The following TRIM56 variants were observed in gnomAD, a reference collection of about 807,000 sequenced individuals.
TRIM56 encodes tripartite motif containing 56.
Under a neutral mutation model 17.1 loss-of-function variants are expected in TRIM56, and 10 were observed. The observed-to-expected ratio is 0.58, with a 90% confidence interval of 0.36 to 0.99. TRIM56 has a LOEUF of 0.99. Among genes scored for constraint, TRIM56 ranks in the 50% least tolerant of loss-of-function variants. TRIM56 has a pLI of 0.01. For missense variants in TRIM56, 923 were observed against 1,052.3 expected (o/e 0.88, Z 1.70); for synonymous variants, 503 against 473.5 (o/e 1.06, Z -0.81).
Position 101,090,992 on chromosome 7 carries a change from C to T in TRIM56, c.*1412C>T, listed in dbSNP as rs11542349. ...TTGCTGGGGAAACAGCTAAACCCTG[C>T]AGGCCAAGTGGAACTTGGAGGTGCC... is the stretch of plus-strand genomic sequence containing the variant. On this transcript the variant is annotated 3_prime_UTR_variant, in exon 3 of 3. Coordinates refer to ENST00000306085, the MANE Select transcript of TRIM56 (RefSeq NM_030961.3). 61,301 of 152,062 alleles carry T rather than the reference C, an allele frequency of 0.4. 13,785 individuals are homozygous for T. The highest frequency in any genetic ancestry group is 0.52 in the Non-Finnish European group (35,383 of 67,996). The allele number at this position is 152,062 out of a possible 1,614,324, so 9.4% of individuals were successfully genotyped here. A position where few individuals can be genotyped will look rare whatever the true frequency, so the allele number is the denominator to read the frequency against.
rs1355938614 is a variant in TRIM56, at chr7:101,089,028, C to T, written c.1716C>T (p.Leu572=). ...VAFSASARLY[L]INPNGEVQWR... ...TCTCCGCTAGCGCACGGCTCTATCT[C>T]ATCAACCCCAACGGCGAAGTGCAGT... Residue 572 remains leucine, a synonymous_variant, in exon 3 of 3, where the codon CTC becomes CTT. Transcript: ENST00000306085. The T allele has an allele frequency of 6.2e-7, 1 of 1,604,700 alleles. No homozygotes were observed. The highest frequency in any genetic ancestry group is 2.2e-5 in the East Asian group (1 of 44,848).
Position 101,090,757 on chromosome 7 carries a change from C to G in TRIM56, c.*1177C>G, listed in dbSNP as rs1191630552. On this transcript the variant is annotated 3_prime_UTR_variant, in exon 3 of 3. Coordinates refer to ENST00000306085, the MANE Select transcript of TRIM56 (RefSeq NM_030961.3). ...TTATGAGTGTCAGAGCAGGGGAGCCCTCCACGCAGCCACGGAGCCAGTCTG... is the reference window on the plus strand; with the variant it reads ...TTATGAGTGTCAGAGCAGGGGAGCCGTCCACGCAGCCACGGAGCCAGTCTG... 6.6e-6 allele frequency: 1 copy of G among 151,732 alleles called. No individual in the cohort carries two copies. Among genetic ancestry groups the G allele is most frequent in the Non-Finnish European group, 1.5e-5 (1 of 67,982 alleles). 9.4% of individuals were successfully genotyped at this position (151,732 alleles called of 1,614,324 possible).
rs749946092 is a variant in TRIM56 at position 101,088,198 on chromosome 7, G to A, written c.886G>A (p.Glu296Lys). Reference sequence around the variant, plus strand: ...TGCTCGGGAGAGGCTGGCGGAGCTTGAGGGCCGGGAGCAGGTGGCCAGGGC... The same window carrying A: ...TGCTCGGGAGAGGCTGGCGGAGCTTAAGGGCCGGGAGCAGGTGGCCAGGGC... The part of the protein sequence containing the change: ...EAARERLAEL[E>K]GREQVARAAA... Residue 296 changes from glutamate to lysine, a missense_variant, in exon 3 of 3, where the codon GAG becomes AAG. By Grantham distance (56) the Glu-to-Lys change is moderately conservative. Coordinates refer to ENST00000306085, the MANE Select transcript of TRIM56 (RefSeq NM_030961.3). The A allele has an allele frequency of 6.0e-5, 89 of 1,475,064 alleles. No individual in the cohort carries two copies. Among genetic ancestry groups the A allele is most frequent in the Non-Finnish European group, 7.2e-5 (81 of 1,117,296 alleles). The allele number at this position is 1,475,064 out of a possible 1,614,324, so 91.4% of individuals were successfully genotyped here.
rs759210312 is a variant in TRIM56 at position 101,089,256 on chromosome 7, C to T, written c.1944C>T (p.Phe648=). The T allele has an allele frequency of 9.9e-6, 16 of 1,612,026 alleles. No individual in the cohort carries two copies. The highest frequency in any genetic ancestry group is 1.7e-4 in the Middle Eastern group (1 of 6,058). Residue 648 remains phenylalanine (F), a synonymous_variant, in exon 3 of 3, where the codon TTC becomes TTT. Coordinates refer to ENST00000306085, the MANE Select transcript of TRIM56 (RefSeq NM_030961.3). ...TGACCACCAGCCCCCAGGGGCATTT[C>T]GTGGGGTCGGACTGGCAGCAGAATA... The part of the protein sequence containing the change: ...VFLTTSPQGH[F]VGSDWQQNSV...
chr7:101,086,077 AC>A (rs1267023221), intron 1 of TRIM56, among the ~76,000 whole-genome samples: 1 of 152,048 alleles, frequency 6.6e-6, no homozygotes, highest in Non-Finnish European at 1.5e-5. Context: ...GGCCTCCACC[AC>A]CCGCGATGCT....
rs1429754752 is a variant in TRIM56 at position 101,088,469 on chromosome 7, C to T, written c.1157C>T (p.Thr386Ile). The stretch of plus-strand genomic sequence containing the variant: ...GATGGTGGGAAAGACGGAGCTGGTA[C>T]CCAGGGAGGTGAGGAGAGCCAGAGC... ...QKDGGKDGAG[T>I]QGGEESQSRR... Residue 386 changes from threonine to isoleucine, a missense_variant, in exon 3 of 3, where the codon ACC becomes ATC. Physicochemically the swap from Thr to Ile is moderately conservative, Grantham distance 89. Coordinates refer to ENST00000306085, the MANE Select transcript of TRIM56 (RefSeq NM_030961.3). 47 of 1,613,780 alleles carry T rather than the reference C, an allele frequency of 2.9e-5. No homozygotes were observed. The highest frequency in any genetic ancestry group is 4.0e-5 in the Non-Finnish European group (47 of 1,179,866).
chr7:101,091,642 A>G lies in TRIM56; in HGVS notation c.*2062A>G. 2.4e-6 allele frequency: 1 copy of G among 419,560 alleles called. No individual in the cohort carries two copies. Among genetic ancestry groups the G allele is most frequent in the South Asian group, 1.7e-5 (1 of 57,872 alleles). The allele number at this position is 419,560 out of a possible 1,614,324, so 26.0% of individuals were successfully genotyped here. On this transcript the variant is annotated 3_prime_UTR_variant, in exon 3 of 3. Transcript: ENST00000306085. ...CTTGGGAGGCTGAGGCAGGAGAATC[A>G]TTTGAACCCAGGAGGTGGAAGTTGC...
rs1364021572 is a variant in TRIM56, at chr7:101,088,912, T to G, written c.1600T>G (p.Phe534Val). 2.5e-6 allele frequency: 4 copies of G among 1,613,842 alleles called. No individual in the cohort carries two copies. The highest frequency in any genetic ancestry group is 1.7e-5 in the Admixed American group (1 of 60,024). ...ADEQNRALKR[F>V]SLNGDYKGTV... ...TGAGCAGAACCGGGCACTGAAACGC[T>G]TCTCCCTCAACGGCGACTACAAGGG... is the stretch of plus-strand genomic sequence containing the variant. Residue 534 changes from phenylalanine to valine, a missense_variant, in exon 3 of 3, where the codon TTC (phenylalanine) becomes GTC (valine). Phe to Val is a conservative substitution (Grantham distance 50, BLOSUM62 -1). Around this residue, in one of 3 missense-constraint regions of TRIM56, gnomAD observed 643 missense variants for 665.6 expected, o/e 0.97. Coordinates refer to ENST00000306085, the MANE Select transcript of TRIM56 (RefSeq NM_030961.3).
In TRIM56 at chr7:101,089,540, G is replaced by A; in HGVS notation, c.2228G>A (p.Gly743Glu). 1.2e-6 allele frequency: 2 copies of A among 1,614,174 alleles called. No homozygotes were observed. Among genetic ancestry groups the A allele is most frequent in the Non-Finnish European group, 1.7e-6 (2 of 1,180,022 alleles). The stretch of plus-strand genomic sequence containing the variant: ...TACCTGGTCGTGTCCCTCAGTAACG[G>A]GACCATCCACATCTTTCGGGTCCGT... ...GRYLVVSLSN[G>E]TIHIFRVRSP... The change falls in exon 3 of 3, where the codon GGG (glycine) becomes GAG (glutamate). Residue 743 changes from glycine (G) to glutamate (E), a missense_variant. Around this residue, in one of 3 missense-constraint regions of TRIM56, gnomAD observed 182 missense variants for 243.1 expected, o/e 0.75. Transcript: ENST00000306085.
chr7:101,094,159 C>G lies in TRIM56; in HGVS notation c.*4579C>G, dbSNP rs1270304750. On this transcript the variant is annotated 3_prime_UTR_variant, in exon 3 of 3. Coordinates refer to ENST00000306085, the MANE Select transcript of TRIM56 (RefSeq NM_030961.3). ...GATTGTGGTTTATTAGGGGAATGAG[C>G]CTTTCTTTGTGTATGACAACTATGA... The G allele has an allele frequency of 2.0e-5, 3 of 152,106 alleles. No homozygotes were observed. Among genetic ancestry groups the G allele is most frequent in the African/African-American group, 7.2e-5 (3 of 41,390 alleles). 9.4% of individuals were successfully genotyped at this position (152,106 alleles called of 1,614,324 possible). A position where few individuals can be genotyped will look rare whatever the true frequency, so the allele number is the denominator to read the frequency against.
rs751976541 is a variant in TRIM56, at chr7:101,087,411, A to C, written c.99A>C (p.Thr33=). ...ICLEQLRAPK[T]LPCLHTYCQD... The stretch of plus-strand genomic sequence containing the variant: ...TGGAGCAGCTGCGGGCACCCAAGAC[A>C]CTGCCCTGCCTGCATACCTACTGCC... The change falls in exon 3 of 3, where the codon ACA becomes ACC. Residue 33 remains threonine (T), a synonymous_variant. Coordinates refer to ENST00000306085, the MANE Select transcript of TRIM56 (RefSeq NM_030961.3). The C allele has an allele frequency of 6.2e-7, 1 of 1,612,878 alleles. No individual in the cohort carries two copies. Among genetic ancestry groups the C allele is most frequent in the East Asian group, 2.2e-5 (1 of 44,870 alleles).
rs773361612 is a variant in TRIM56 at position 101,087,747 on chromosome 7, C to T, written c.435C>T (p.Arg145=). Reference sequence around the variant, plus strand: ...GCACCCGCCAGACCCACACCCACCGCGTGGTGGACCTGGTGGGCTACAGGG... The same window carrying T: ...GCACCCGCCAGACCCACACCCACCGTGTGGTGGACCTGGTGGGCTACAGGG... ...HRCTRQTHTH[R]VVDLVGYRAG... The change falls in exon 3 of 3, where the codon CGC becomes CGT. Residue 145 remains arginine (R), a synonymous_variant. Coordinates refer to ENST00000306085, the MANE Select transcript of TRIM56 (RefSeq NM_030961.3). 11 of 1,604,118 alleles carry T rather than the reference C, an allele frequency of 6.9e-6. No individual in the cohort carries two copies. The South Asian group carries it at 1.0e-4, about 15-fold the overall frequency.
Position 101,088,897 on chromosome 7 carries a change from C to A in TRIM56, c.1585C>A (p.Arg529=). 1 of 1,613,884 alleles carries A rather than the reference C, an allele frequency of 6.2e-7. No individual in the cohort carries two copies. The highest frequency in any genetic ancestry group is 8.5e-7 in the Non-Finnish European group (1 of 1,180,032). The change falls in exon 3 of 3, where the codon CGG becomes AGG. Residue 529 remains arginine, a synonymous_variant. Transcript: ENST00000306085. ...REILVADEQN[R]ALKRFSLNGD... is the part of the protein sequence containing the mutation. ...GATCCTGGTGGCGGATGAGCAGAAC[C>A]GGGCACTGAAACGCTTCTCCCTCAA...
rs770631843 is a variant in TRIM56 at position 101,089,628 on chromosome 7, A to T, written c.*48A>T. 7.8e-6 allele frequency: 12 copies of T among 1,545,904 alleles called. No homozygotes were observed. The highest frequency in any genetic ancestry group is 1.1e-5 in the Non-Finnish European group (12 of 1,136,056). ...GGGAGTGGGGAGGGAGAGGGCAGGA[A>T]GGAGGCAGAGCTGTCCGTGGGAGGT... On this transcript the variant is annotated 3_prime_UTR_variant, in exon 3 of 3. Coordinates refer to ENST00000306085, the MANE Select transcript of TRIM56 (RefSeq NM_030961.3).
rs1406612290 is a variant in TRIM56, at chr7:101,097,520, T to C, written c.*7940T>C. The C allele has an allele frequency of 6.6e-6, 1 of 152,226 alleles. No homozygotes were observed. The highest frequency in any genetic ancestry group is 1.5e-5 in the Non-Finnish European group (1 of 68,056). The allele number at this position is 152,226 out of a possible 1,614,324, so 9.4% of individuals were successfully genotyped here. On this transcript the variant is annotated 3_prime_UTR_variant, in exon 3 of 3. Coordinates refer to ENST00000306085, the MANE Select transcript of TRIM56 (RefSeq NM_030961.3). ...AGGACAGGAGCAAAAATAGATTTTCTAGAAACTGCAGACTCCTGTGATTGG... is the reference window on the plus strand; with the variant it reads ...AGGACAGGAGCAAAAATAGATTTTCCAGAAACTGCAGACTCCTGTGATTGG...
rs1795486363 is a variant in TRIM56 at position 101,088,201 on chromosome 7, GGCCGGGAGCAGGTGGCCAGGGCCGCA to G, written c.894_919del (p.Glu299LeufsTer64). 6.8e-7 allele frequency: 1 copy of G among 1,473,762 alleles called. No homozygotes were observed. The allele number at this position is 1,473,762 out of a possible 1,614,324, so 91.3% of individuals were successfully genotyped here. ...TCGGGAGAGGCTGGCGGAGCTTGAG[GGCCGGGAGCAGGTGGCCAGGGCCGCA>G]GCCGCCTTCGCCCGCCGGGTACTCA... On this transcript the variant is annotated frameshift_variant, in exon 3 of 3. Transcript: ENST00000306085. LOFTEE classifies it low-confidence loss of function (END_TRUNC).
intron 1 of TRIM56, among the ~76,000 whole-genome samples, chr7:101,086,395 T>C: frequency 6.6e-6 from 1 of 151,986 alleles, no homozygotes; most frequent in East Asian, 1.9e-4. Flanking sequence ...ACTCCATTTC[T>C]ACTAAACATA....
At position 101,092,573 on chromosome 7, in the gene TRIM56, A is replaced by AGGTGGGGGGTCAGCCCC; in HGVS notation, c.*2994_*3010dup. 1 of 116,678 alleles carries AGGTGGGGGGTCAGCCCC rather than the reference A, an allele frequency of 8.6e-6. No homozygotes were observed. Among genetic ancestry groups the AGGTGGGGGGTCAGCCCC allele is most frequent in the African/African-American group, 3.7e-5 (1 of 27,318 alleles). 7.2% of individuals were successfully genotyped at this position (116,678 alleles called of 1,614,324 possible). On this transcript the variant is annotated 3_prime_UTR_variant, in exon 3 of 3. Transcript: ENST00000306085. ...CCGGCAGCCGCCCCGTCCGGGAGGGAGGTGGGGGGTCAGCCCCCTCCCGGC... is the reference window on the plus strand; with the variant it reads ...CCGGCAGCCGCCCCGTCCGGGAGGGAGGTGGGGGGTCAGCCCCGGTGGGGGGTCAGCCCCCTCCCGGC...
chr7:101,088,261 C>T lies in TRIM56; in HGVS notation c.949C>T (p.Arg317Ter), dbSNP rs1376188097. Residue 317 changes from arginine (R) to a stop codon, truncating the protein, a stop_gained, in exon 3 of 3, where the codon CGA (arginine) becomes TGA (stop). Transcript: ENST00000306085. LOFTEE classifies it low-confidence loss of function (END_TRUNC). ...CGCCCGCCGGGTACTCAGCCTGGGG[C>T]GAGAGGCCGAGATCCTCTCCCTGGA... ...AFARRVLSLG[R>*]EAEILSLEGA... 14 of 1,493,924 alleles carry T rather than the reference C, an allele frequency of 9.4e-6. No homozygotes were observed. Among genetic ancestry groups the T allele is most frequent in the Non-Finnish European group, 1.1e-5 (12 of 1,128,046 alleles). 92.5% of individuals were successfully genotyped at this position (1,493,924 alleles called of 1,614,324 possible). A position where few individuals can be genotyped will look rare whatever the true frequency, so the allele number is the denominator to read the frequency against.
Sources: gnomAD v4.1 joint callset for allele counts (sites outside exome capture counted in the v4.1 genomes callset) on GRCh38, gnomAD v4.1.1 for gene constraint, gnomAD v4.1.1 regional missense constraint, MANE v1.5 for transcripts, NCBI Gene and HGNC (gene_info 2026-07-23, HGNC 2026-07-21) for gene names.